ADGRA3: variants seen among roughly 807,000 people sequenced by gnomAD.
The protein encoded by ADGRA3 is adhesion G protein-coupled receptor A3, also known as G-protein coupled receptor 125.
A neutral mutation model predicts 119.8 loss-of-function variants in ADGRA3; 56 were observed. The ratio of observed to expected loss-of-function variants is 0.47; its 90% CI spans 0.38 to 0.58. The LOEUF (loss-of-function observed/expected upper bound fraction) is 0.58, where lower values mean the gene tolerates loss of function less well. Among genes scored for constraint, ADGRA3 ranks in the 20% least tolerant of loss-of-function variants. The probability of loss-of-function intolerance (pLI) is 0.00; values close to 1 mark genes in which losing one functional copy is unlikely to be tolerated. For missense variants in ADGRA3, 1,516 were observed against 1,649.0 expected (o/e 0.92, Z 1.40); for synonymous variants, 607 against 623.8 (o/e 0.97, Z 0.40).
At chr4:22,515,490 C>A in intron 1 of ADGRA3, 38 bp downstream of exon 1, 1 of 1,584,742 alleles carries the variant, frequency 6.3e-7, no homozygotes, top group Non-Finnish European at 8.6e-7. Context: ...AAGAAAGAGC[C>A]GAGCGGGAGA....
At chr4:22,479,191 C>T (rs965396825) in intron 1 of ADGRA3, among the ~76,000 whole-genome samples, 2 of 152,136 alleles carry the variant, frequency 1.3e-5, no homozygotes, top group African/African-American at 2.4e-5. Flanking sequence ...GGGCTGGGCA[C>T]GGTGGCTCAC....
chr4:22,430,130 C>A (rs6853811), intron 10 of ADGRA3, among the ~76,000 whole-genome samples: 101,247 of 152,064 alleles, frequency 0.67, 34,502 homozygotes, highest in Non-Finnish European at 0.74. Flanking sequence ...GAGGCCTCTC[C>A]AGCCATGTGG....
intron 16 of ADGRA3, among the ~76,000 whole-genome samples, chr4:22,396,042 C>A (rs1224146158): frequency 6.6e-6 from 1 of 152,150 alleles, no homozygotes; most frequent in Non-Finnish European, 1.5e-5. Context: ...CAGCTGAATC[C>A]TTTTATGGCA....
chr4:22,443,112 A>G, intron 6 of ADGRA3: 1 of 679,174 alleles, frequency 1.5e-6, no homozygotes, highest in East Asian at 2.7e-5. Flanking sequence ...TGGCATCCTA[A>G]GAGTATCAGA....
chr4:22,415,364 T>C (rs1715387092), intron 12 of ADGRA3, among the ~76,000 whole-genome samples: 1 of 152,178 alleles, frequency 6.6e-6, no homozygotes, highest in South Asian at 2.1e-4. Context: ...GTTTGTATAT[T>C]ACTTTTAAAT....
At chr4:22,493,563 G>A (rs1718703349) in intron 1 of ADGRA3, among the ~76,000 whole-genome samples, 2 of 152,320 alleles carry the variant, frequency 1.3e-5, no homozygotes, top group South Asian at 4.1e-4. Flanking sequence ...ATCCAAAGCA[G>A]AGACTCCCAA....
chr4:22,440,894 C>T (rs761333163), intron 7 of ADGRA3, among the ~76,000 whole-genome samples: 1 of 152,138 alleles, frequency 6.6e-6, no homozygotes, highest in Non-Finnish European at 1.5e-5. Context: ...AACGATTAAT[C>T]GTATCTCCTA....
chr4:22,409,787 A>T lies in ADGRA3; in HGVS notation c.2232+3395T>A, dbSNP rs533782762. Among the ~76,000 whole-genome samples the T allele has an allele frequency of 3.3e-5, 5 of 152,312 alleles. No homozygotes were observed. In the South Asian group the frequency reaches 1.0e-3, roughly 32 times the overall value. On this transcript the variant is annotated intron_variant, in intron 14 of 18. Coordinates refer to ENST00000334304, the MANE Select transcript of ADGRA3 (RefSeq NM_145290.4). Reference sequence around the variant, plus strand: ...TGTAGTATGCAACCTTTGTGCAAAAATGCAAAAAAATAGGAACATATACTC... The same window carrying T: ...TGTAGTATGCAACCTTTGTGCAAAATTGCAAAAAAATAGGAACATATACTC...
intron 16 of ADGRA3, among the ~76,000 whole-genome samples, chr4:22,399,430 CT>C: frequency 6.6e-6 from 1 of 151,284 alleles, no homozygotes; most frequent in Non-Finnish European, 1.5e-5. Flanking sequence ...AGGTCTCCAA[CT>C]TTTTTTTAAA....
At position 22,468,521 on chromosome 4, in the gene ADGRA3, C is replaced by A. The variant is rs1275657315; in HGVS notation, c.329+5251G>T. On this transcript the variant is annotated intron_variant, in intron 2 of 18. Transcript: ENST00000334304. ...GTGGTTCACACATCTGTAATCCCAG[C>A]ACTTTGGGAGGCTGAGGCGGACAGA... is the stretch of plus-strand genomic sequence containing the variant. Among the ~76,000 whole-genome samples, 5 of 152,096 alleles carry A rather than the reference C, an allele frequency of 3.3e-5. No homozygotes were observed. In the East Asian group the frequency reaches 9.6e-4, roughly 29 times the overall value.
At chr4:22,513,802 C>T (rs1484491229) in intron 1 of ADGRA3, among the ~76,000 whole-genome samples, 1 of 137,266 alleles carries the variant, frequency 7.3e-6, no homozygotes, top group Non-Finnish European at 1.5e-5. Flanking sequence ...GTGAGCCCAC[C>T]ATGCCCAACC....
chr4:22,459,332 A>G (rs1717359275), intron 3 of ADGRA3, among the ~76,000 whole-genome samples: 1 of 152,006 alleles, frequency 6.6e-6, no homozygotes, highest in Non-Finnish European at 1.5e-5. Flanking sequence ...AGGAGGGTGG[A>G]AGGAGGGAGA....
intron 14 of ADGRA3, among the ~76,000 whole-genome samples, chr4:22,405,703 G>A (rs1428483549): frequency 6.6e-6 from 1 of 152,114 alleles, no homozygotes; most frequent in Admixed American, 6.6e-5. Flanking sequence ...TGGTCGCACA[G>A]GGCACTGCTT....
intron 10 of ADGRA3, among the ~76,000 whole-genome samples, chr4:22,424,764 A>G (rs1715863554): frequency 1.3e-5 from 2 of 152,180 alleles, no homozygotes; most frequent in South Asian, 4.1e-4. Flanking sequence ...AAATCAAACT[A>G]TTATTATTAA....
Position 22,447,495 on chromosome 4 carries a change from A to G in ADGRA3, c.490T>C (p.Leu164=). ...GTTCCTTGAGATAATGAAGAAAACA[A>G]ATTCCCCGAAAGGTTTCTGAAAGAC... The part of the protein sequence containing the change: ...NLVRLNLSGN[L]FSSLSQGTFD... The change falls in exon 5 of 19, where the codon TTG becomes CTG. Residue 164 remains leucine (L), a synonymous_variant. Transcript: ENST00000334304. The G allele has an allele frequency of 6.3e-7, 1 of 1,575,356 alleles. No homozygotes were observed. The highest frequency in any genetic ancestry group is 8.6e-7 in the Non-Finnish European group (1 of 1,160,854).
intron 1 of ADGRA3, among the ~76,000 whole-genome samples, chr4:22,497,988 C>T (rs1718903003): frequency 6.7e-6 from 1 of 149,540 alleles, no homozygotes. Flanking sequence ...CAGCTGTAAT[C>T]CCAACCCTTT....
chr4:22,395,040 T>G (rs551394174), intron 16 of ADGRA3, among the ~76,000 whole-genome samples: 1 of 152,334 alleles, frequency 6.6e-6, no homozygotes. Context: ...CTATCACATT[T>G]TCTTCCAAAT....
chr4:22,433,529 T>C (rs1237636356), intron 10 of ADGRA3, among the ~76,000 whole-genome samples: 11 of 152,170 alleles, frequency 7.2e-5, no homozygotes, highest in African/African-American at 2.4e-5. Context: ...TTCAGTACAA[T>C]GCTTCCACCT....
chr4:22,390,166 AAAAG>A (rs1183987046), intron 17 of ADGRA3, among the ~76,000 whole-genome samples: 2 of 151,678 alleles, frequency 1.3e-5, no homozygotes, highest in Admixed American at 1.3e-4. Context: ...TTCTTACCTG[AAAAG>A]AAAGTATTAT....
Sources: allele counts gnomAD v4.1 joint callset (sites outside exome capture counted in the v4.1 genomes callset), GRCh38; gene constraint gnomAD v4.1.1; transcripts MANE v1.5; gene names NCBI Gene and HGNC (gene_info 2026-07-23, HGNC 2026-07-21).